Variants in EIF1AY observed in about 807,000 individuals in gnomAD.
The protein encoded by EIF1AY is eukaryotic translation initiation factor 1A, Y-chromosomal.
For synonymous variants in EIF1AY, 16 were observed against 9.9 expected, an observed-to-expected ratio of 1.62 and a Z score of -1.16; for missense variants, 19 against 30.6, an observed-to-expected ratio of 0.62 and a Z score of 0.89.
intron 1 of EIF1AY, 59 bp from the exon 2 acceptor site, chrY:20,579,549 T>A: frequency 4.3e-6 from 1 of 231,425 alleles, no homozygotes; most frequent in South Asian, 4.3e-5. Context: ...ATAGTTTAGT[T>A]TATATGATAT....
In EIF1AY at chrY:20,579,645, G is replaced by A; in HGVS notation, c.54G>A (p.Glu18=). Residue 18 remains glutamate, a synonymous_variant, in exon 2 of 7, where the codon GAG becomes GAA. Coordinates refer to ENST00000361365, the MANE Select transcript of EIF1AY (RefSeq NM_004681.4). The part of the protein sequence containing the change: ...GGKNRRRGKN[E]NESEKRELVF... ...AAAACAGGCGCAGGGGTAAAAATGA[G>A]AATGAATCTGAAAAAAGAGAGTTGG... 1 of 386,037 alleles carries A rather than the reference G, an allele frequency of 2.6e-6. No homozygotes were observed. Among genetic ancestry groups the A allele is most frequent in the Admixed American group, 7.8e-5 (1 of 12,807 alleles).
chrY:20,578,187 A>C, intron 1 of EIF1AY, among the ~76,000 whole-genome samples: 1 of 33,240 alleles, frequency 3.0e-5, no homozygotes, highest in Non-Finnish European at 7.4e-5. Context: ...GGTTTATCCA[A>C]ATAAACATGT....
At chrY:20,576,889 A>G (rs9341308) in intron 1 of EIF1AY, among the ~76,000 whole-genome samples, 229 of 33,933 alleles carry the variant, frequency 6.7e-3, no homozygotes, top group Admixed American at 0.016. Flanking sequence ...CTCTCCCGAA[A>G]ACCCACTAAC....
intron 2 of EIF1AY, among the ~76,000 whole-genome samples, chrY:20,580,509 CTTTTTTTCTTCT>C (rs2089349820): frequency 9.2e-5 from 3 of 32,532 alleles, no homozygotes; most frequent in African/African-American, 3.6e-4. Context: ...GGGCCACTTG[CTTTTTTTCTTCT>C]TTTTTTTCTT....
intron 1 of EIF1AY, among the ~76,000 whole-genome samples, chrY:20,577,660 T>G (rs2089347613): frequency 6.9e-5 from 2 of 28,829 alleles, no homozygotes; most frequent in African/African-American, 2.8e-4. Context: ...AAACCCCCTC[T>G]CTACTAAAAA....
intron 1 of EIF1AY, among the ~76,000 whole-genome samples, chrY:20,577,282 AGAGT>A (rs2089347372): frequency 3.0e-5 from 1 of 33,635 alleles, no homozygotes; most frequent in African/African-American, 1.2e-4. Flanking sequence ...CTCAATAAAG[AGAGT>A]ATCTCCAAAA....
chrY:20,589,335 T>A (rs2089357037), intron 5 of EIF1AY, 149 bp from the exon 6 acceptor site: 3 of 135,356 alleles, frequency 2.2e-5, no homozygotes, highest in Non-Finnish European at 4.2e-5. Flanking sequence ...GTTAATTTTT[T>A]ATTTTTTTAT....
intron 2 of EIF1AY, among the ~76,000 whole-genome samples, chrY:20,580,964 A>C: frequency 5.9e-5 from 2 of 33,832 alleles, no homozygotes; most frequent in African/African-American, 2.3e-4. Flanking sequence ...GGTAATCTAT[A>C]TTCAAATTTC....
At chrY:20,584,408 T>G in intron 3 of EIF1AY, 66 bp from the exon 4 acceptor site, 1 of 168,768 alleles carries the variant, frequency 5.9e-6, no homozygotes. Context: ...TGTGGGAAGA[T>G]TCACTAAACA....
In EIF1AY at chrY:20,593,057, A is replaced by C. The variant is rs2124358255; in HGVS notation, c.*711A>C. ...AATACTGGGGTGCCATTTTGTTTTC[A>C]AAAGTTATTCATTGTAATCCACTGT... On this transcript the variant is annotated 3_prime_UTR_variant, in exon 7 of 7. Transcript: ENST00000361365. 2.9e-5 allele frequency: 1 copy of C among 34,120 alleles called. No homozygotes were observed. Among genetic ancestry groups the C allele is most frequent in the African/African-American group, 1.1e-4 (1 of 8,760 alleles). The allele number at this position is 34,120 out of a possible 400,897, so 8.5% of individuals were successfully genotyped here.
At chrY:20,592,276 A>G in intron 6 of EIF1AY, 65 bp from the exon 7 acceptor site, 1 of 251,041 alleles carries the variant, frequency 4.0e-6, no homozygotes, top group Non-Finnish European at 6.1e-6. Flanking sequence ...GGGAGTCTTT[A>G]TATGCAGTAG....
chrY:20,584,684 T>G, intron 4 of EIF1AY, among the ~76,000 whole-genome samples, 160 bp downstream of exon 4: 1 of 33,902 alleles, frequency 2.9e-5, no homozygotes, highest in Admixed American at 2.7e-4. Flanking sequence ...TATTTCAGAC[T>G]ATAGTATTTT....
chrY:20,590,087 GGAGA>G (rs1171241721), intron 6 of EIF1AY, among the ~76,000 whole-genome samples: 35 of 28,185 alleles, frequency 1.2e-3, no homozygotes, highest in East Asian at 3.7e-3. Flanking sequence ...AGGGAGAGGG[GGAGA>G]GAGAGAGAGA....
chrY:20,590,542 G>C, intron 6 of EIF1AY, among the ~76,000 whole-genome samples: 2 of 30,030 alleles, frequency 6.7e-5, no homozygotes, highest in African/African-American at 2.7e-4. Context: ...GCTGAGGCAG[G>C]ATAATCACTT....
At chrY:20,580,650 G>A in intron 2 of EIF1AY, among the ~76,000 whole-genome samples, 1 of 32,839 alleles carries the variant, frequency 3.0e-5, no homozygotes, top group African/African-American at 1.2e-4. Context: ...CTATCTCTGA[G>A]TATCTGCATG....
intron 2 of EIF1AY, among the ~76,000 whole-genome samples, chrY:20,581,910 T>G: frequency 3.0e-5 from 1 of 33,528 alleles, no homozygotes; most frequent in Non-Finnish European, 7.4e-5. Context: ...GTAACAGAAA[T>G]AGCTTGTCAT....
At chrY:20,589,883 G>A in intron 6 of EIF1AY, among the ~76,000 whole-genome samples, 1 of 33,532 alleles carries the variant, frequency 3.0e-5, no homozygotes, top group East Asian at 7.8e-4. Flanking sequence ...AGAATTACAT[G>A]GTTGAGCATC....
At chrY:20,579,291 T>C (rs755016774) in intron 1 of EIF1AY, among the ~76,000 whole-genome samples, 1 of 33,537 alleles carries the variant, frequency 3.0e-5, no homozygotes, top group East Asian at 7.6e-4. Context: ...AAAATGTTTC[T>C]ATTATATAGT....
At position 20,592,489 on chromosome Y, in the gene EIF1AY, T is replaced by C; in HGVS notation, c.*143T>C. On this transcript the variant is annotated 3_prime_UTR_variant, in exon 7 of 7. Coordinates refer to ENST00000361365, the MANE Select transcript of EIF1AY (RefSeq NM_004681.4). The stretch of plus-strand genomic sequence containing the variant: ...GATTTATTTTCATTGTTTTAAAGTA[T>C]TTATTTCTTTAAAAGCTGAGGACAC... The C allele has an allele frequency of 9.0e-6, 1 of 111,089 alleles. No homozygotes were observed. The highest frequency in any genetic ancestry group is 1.6e-4 in the South Asian group (1 of 6,444). 27.7% of individuals were successfully genotyped at this position (111,089 alleles called of 400,897 possible).
Sources: gnomAD v4.1 joint callset for allele counts (sites outside exome capture counted in the v4.1 genomes callset) on GRCh38, gnomAD v4.1.1 for gene constraint, MANE v1.5 for transcripts, NCBI Gene and HGNC (gene_info 2026-07-23, HGNC 2026-07-21) for gene names.